Variants in SBK2 observed in about 807,000 individuals in gnomAD.
SBK2 encodes the protein serine/threonine-protein kinase SBK2.
SBK2 carries 18 observed loss-of-function variants against 15.9 expected under a neutral mutation model. The ratio of observed to expected loss-of-function variants is 1.13; its 90% CI spans 0.78 to 1.68. The LOEUF is 1.68. Ranked by LOEUF, SBK2 falls within the 40% of genes most tolerant of loss-of-function variation. The pLI is 0.00. For synonymous variants in SBK2, 284 were observed against 246.8 expected (o/e 1.15, Z -1.41); for missense variants, 581 against 510.9 (o/e 1.14, Z -1.32).
At chr19:55,531,542 C>T (rs1988267363) in intron 2 of SBK2, among the ~76,000 whole-genome samples, 197 bp from the exon 3 acceptor site, 1 of 152,222 alleles carries the variant, frequency 6.6e-6, no homozygotes, top group Admixed American at 6.5e-5. Context: ...ACCAGCGGTA[C>T]CAATAGTTAT....
chr19:55,530,098 G>A lies in SBK2; in HGVS notation c.682C>T (p.Leu228Phe), dbSNP rs1296078963. 1 of 1,450,292 alleles carries A rather than the reference G, an allele frequency of 6.9e-7. No homozygotes were observed. Among genetic ancestry groups the A allele is most frequent in the Non-Finnish European group, 9.0e-7 (1 of 1,106,640 alleles). 89.8% of individuals were successfully genotyped at this position (1,450,292 alleles called of 1,614,324 possible). A position where few individuals can be genotyped will look rare whatever the true frequency, so the allele number is the denominator to read the frequency against. The change falls in exon 4 of 4, where the codon CTC becomes TTC. Residue 228 changes from leucine (L) to phenylalanine (F), a missense_variant. By Grantham distance (22) the Leu-to-Phe change is conservative. Coordinates refer to ENST00000413299, the MANE Select transcript of SBK2 (RefSeq NM_001370096.2). ...TCGGGGAGCGGCGGGGGCGCGCAGA[G>A]CTCGGGGGCCGTGTAGGGGATGGGC... Reference protein sequence around the residue: ...GPPIPYTAPELCAPPPLPEGL... With the variant: ...GPPIPYTAPEFCAPPPLPEGL...
Position 55,529,773 on chromosome 19 carries a change from G to A in SBK2, c.1007C>T (p.Ala336Val), listed in dbSNP as rs200525081. 144 of 1,603,068 alleles carry A rather than the reference G, an allele frequency of 9.0e-5. No individual in the cohort carries two copies. The highest frequency in any genetic ancestry group is 4.5e-5 in the Non-Finnish European group (53 of 1,179,694). ...GRPWRQREGE[A>V]EAVGAVEEEA... ...CTCTTCCACCGCTCCCACTGCCTCC[G>A]CCTCGCCCTCCCGCTGCCTCCAGGG... The change falls in exon 4 of 4, where the codon GCG becomes GTG. Residue 336 changes from alanine (A) to valine (V), a missense_variant. Transcript: ENST00000413299.
intron 2 of SBK2, 30 bp from the exon 3 acceptor site, chr19:55,531,375 G>A (rs1041242268): frequency 3.2e-6 from 5 of 1,555,656 alleles, no homozygotes; most frequent in Admixed American, 1.9e-5. Flanking sequence ...TATGGGAGGC[G>A]TGCAGCAGCC....
chr19:55,531,029 G>T, intron 3 of SBK2, 114 bp downstream of exon 3: 1 of 930,844 alleles, frequency 1.1e-6, no homozygotes. Flanking sequence ...GGGGGGTAGG[G>T]GAGGCCCAGG....
At position 55,529,802 on chromosome 19, in the gene SBK2, C is replaced by A. The variant is rs1988196708; in HGVS notation, c.978G>T (p.Gly326=). The change falls in exon 4 of 4, where the codon GGG becomes GGT. Residue 326 remains glycine, a synonymous_variant. Transcript: ENST00000413299. The part of the protein sequence containing the change: ...SAVIAIREHL[G]RPWRQREGEA... ...CGCCCTCCCGCTGCCTCCAGGGGCG[C>A]CCCAGGTGCTCCCTGATGGCGATCA... 6.2e-7 allele frequency: 1 copy of A among 1,604,466 alleles called. No individual in the cohort carries two copies. The highest frequency in any genetic ancestry group is 1.1e-5 in the South Asian group (1 of 91,074).
intron 2 of SBK2, among the ~76,000 whole-genome samples, chr19:55,532,012 A>G (rs1413792783): frequency 1.3e-5 from 2 of 152,120 alleles, no homozygotes; most frequent in Admixed American, 6.6e-5. Context: ...TGGCATCTGT[A>G]AAAAATTAAA....
chr19:55,530,052 G>A lies in SBK2; in HGVS notation c.728C>T (p.Ala243Val), dbSNP rs1282135215. ...GACGCCCAGCGCCCAGGCGTCCAGG[G>A]CGGGCTGAATGGGCAGGCCCTCGGG... The part of the protein sequence containing the change: ...PLPEGLPIQP[A>V]LDAWALGVLL... The change falls in exon 4 of 4, where the codon GCC (alanine) becomes GTC (valine). Residue 243 changes from alanine to valine, a missense_variant. Ala to Val is a moderately conservative substitution (Grantham distance 64). Transcript: ENST00000413299. 2.7e-5 allele frequency: 40 copies of A among 1,469,138 alleles called. No homozygotes were observed. The highest frequency in any genetic ancestry group is 3.5e-5 in the Non-Finnish European group (39 of 1,115,602). The allele number at this position is 1,469,138 out of a possible 1,614,324, so 91.0% of individuals were successfully genotyped here.
Position 55,536,072 on chromosome 19 carries a change from G to C in SBK2, c.223C>G (p.Arg75Gly). The change falls in exon 2 of 4, where the codon CGC becomes GGC. Residue 75 changes from arginine (R) to glycine (G), a missense_variant. Physicochemically the swap from Arg to Gly is moderately radical, Grantham distance 125. Transcript: ENST00000413299. ...TGACGATGGGTGACCAGAAGGACGCGGCCATAGCAACCCTGGCCCAGGGGA... is the reference window on the plus strand; with the variant it reads ...TGACGATGGGTGACCAGAAGGACGCCGCCATAGCAACCCTGGCCCAGGGGA... ...VRPLGQGCYGRVLLVTHRQKG... is the reference protein window; with the variant it reads ...VRPLGQGCYGGVLLVTHRQKG... 1 of 1,497,428 alleles carries C rather than the reference G, an allele frequency of 6.7e-7. No homozygotes were observed. The highest frequency in any genetic ancestry group is 9.0e-7 in the Non-Finnish European group (1 of 1,116,400). 92.8% of individuals were successfully genotyped at this position (1,497,428 alleles called of 1,614,324 possible).
At chr19:55,534,872 A>C (rs1218598614) in intron 2 of SBK2, among the ~76,000 whole-genome samples, 2 of 151,566 alleles carry the variant, frequency 1.3e-5, no homozygotes, top group East Asian at 3.9e-4. Flanking sequence ...TAAAAATACA[A>C]AAATGAGCTG....
At chr19:55,536,782 G>A (rs1184394310) in intron 1 of SBK2, among the ~76,000 whole-genome samples, 1 of 30,164 alleles carries the variant, frequency 3.3e-5, no homozygotes, top group Non-Finnish European at 7.0e-5. Flanking sequence ...ACCTCCCTCC[G>A]ACCCAGCCCC....
At chr19:55,532,184 GA>G (rs1988285263) in intron 2 of SBK2, among the ~76,000 whole-genome samples, 1 of 151,956 alleles carries the variant, frequency 6.6e-6, no homozygotes, top group Non-Finnish European at 1.5e-5. Context: ...GACACCTGGG[GA>G]AAAGGTAACC....
intron 2 of SBK2, among the ~76,000 whole-genome samples, chr19:55,532,099 A>G (rs1988282919): frequency 6.6e-6 from 1 of 152,148 alleles, no homozygotes; most frequent in Non-Finnish European, 1.5e-5. Context: ...GAGGGATACC[A>G]TGAAATTTCT....
intron 2 of SBK2, among the ~76,000 whole-genome samples, chr19:55,532,564 A>G (rs940118610): frequency 2.7e-5 from 4 of 149,154 alleles, no homozygotes; most frequent in Non-Finnish European, 4.4e-5. Context: ...AGCCTCCTGA[A>G]GCATTGGGAT....
chr19:55,533,296 A>G (rs1001283178), intron 2 of SBK2, among the ~76,000 whole-genome samples: 1 of 150,544 alleles, frequency 6.6e-6, no homozygotes, highest in Non-Finnish European at 1.5e-5. Flanking sequence ...GTACCACTCC[A>G]CTCACTGCAG....
chr19:55,535,183 C>T (rs778763843), intron 2 of SBK2, among the ~76,000 whole-genome samples: 6 of 152,066 alleles, frequency 3.9e-5, no homozygotes, highest in Non-Finnish European at 7.4e-5. Context: ...GTCCACTGCC[C>T]GCCCAACCCC....
At chr19:55,531,927 C>T (rs1042342944) in intron 2 of SBK2, among the ~76,000 whole-genome samples, 3 of 150,976 alleles carry the variant, frequency 2.0e-5, no homozygotes, top group Non-Finnish European at 4.4e-5. Flanking sequence ...TGCAGTGAGC[C>T]GAGATTGCGC....
Position 55,529,720 on chromosome 19 carries a change from C to A in SBK2, c.*13G>T, listed in dbSNP as rs1988192711. 1.3e-6 allele frequency: 2 copies of A among 1,596,824 alleles called. No homozygotes were observed. The highest frequency in any genetic ancestry group is 2.2e-5 in the South Asian group (2 of 90,784). On this transcript the variant is annotated 3_prime_UTR_variant, in exon 4 of 4. Coordinates refer to ENST00000413299, the MANE Select transcript of SBK2 (RefSeq NM_001370096.2). ...GTGGGGCGGCTTCCCTTTCTGCATC[C>A]CCCGGGGCCTCCTCACTGCCCAGCC...
chr19:55,530,784 C>T (rs183688634), intron 3 of SBK2, among the ~76,000 whole-genome samples: 7 of 129,646 alleles, frequency 5.4e-5, no homozygotes, highest in African/African-American at 2.4e-4. Context: ...TTAGTGTGGC[C>T]TAGTGTGACC....
chr19:55,529,308 A>C lies in SBK2; in HGVS notation c.*425T>G, dbSNP rs1431618219. 1.3e-5 allele frequency among the ~76,000 whole-genome samples: 2 copies of C among 152,214 alleles called. No individual in the cohort carries two copies. Among genetic ancestry groups the C allele is most frequent in the Non-Finnish European group, 2.9e-5 (2 of 68,044 alleles). Reference sequence around the variant, plus strand: ...CTACTCAGGAGGCTGAGGCAGGAAGATTGCTTGAGCTGTGGATTTTGAGAC... The same window carrying C: ...CTACTCAGGAGGCTGAGGCAGGAAGCTTGCTTGAGCTGTGGATTTTGAGAC... On this transcript the variant is annotated 3_prime_UTR_variant, in exon 4 of 4. Coordinates refer to ENST00000413299, the MANE Select transcript of SBK2 (RefSeq NM_001370096.2).
Sources: gnomAD v4.1 joint callset for allele counts (sites outside exome capture counted in the v4.1 genomes callset) on GRCh38, gnomAD v4.1.1 for gene constraint, MANE v1.5 for transcripts, NCBI Gene and HGNC (gene_info 2026-07-23, HGNC 2026-07-21) for gene names.